Variants in FNBP1L observed in about 807,000 individuals in gnomAD.
FNBP1L encodes formin binding protein 1 like.
In FNBP1L, 36 loss-of-function variants were observed where a neutral mutation model predicts 91.2. The ratio of observed to expected loss-of-function variants is 0.39; its 90% CI spans 0.30 to 0.52. The LOEUF is 0.52. Among genes scored for constraint, FNBP1L ranks in the 20% least tolerant of loss-of-function variants. FNBP1L has a pLI of 0.66. For synonymous variants in FNBP1L, 242 were observed against 237.0 expected, an observed-to-expected ratio of 1.02 and a Z score of -0.19; for missense variants, 571 against 732.1, an observed-to-expected ratio of 0.78 and a Z score of 2.54.
chr1:93,525,411 G>C (rs1671462625), intron 5 of FNBP1L, among the ~76,000 whole-genome samples: 1 of 152,032 alleles, frequency 6.6e-6, no homozygotes, highest in Non-Finnish European at 1.5e-5. Flanking sequence ...CTGATTGAGA[G>C]TTCTTAGGTA....
chr1:93,459,963 GTGTGTGTGTGTGTGTT>G (rs1025700234), intron 1 of FNBP1L, among the ~76,000 whole-genome samples: 1 of 149,442 alleles, frequency 6.7e-6, no homozygotes, highest in African/African-American at 2.4e-5. Flanking sequence ...GTGTGTGTGT[GTGTGTGTGTGTGTGTT>G]TTTGGGATAT....
In FNBP1L at chr1:93,552,718, C is replaced by CA. The variant is rs1672452903; in HGVS notation, c.*308dup. ...TAATCAATAAAGAATGCAGAGCTGT[C>CA]AAAAAATGTGTCTTACATTAGCTGT... On this transcript the variant is annotated 3_prime_UTR_variant, in exon 17 of 17. Coordinates refer to ENST00000271234, the MANE Select transcript of FNBP1L (RefSeq NM_001164473.3). The CA allele has an allele frequency of 3.4e-6, 1 of 292,814 alleles. No individual in the cohort carries two copies. The highest frequency in any genetic ancestry group is 1.4e-4 in the South Asian group (1 of 7,026). 18.1% of individuals were successfully genotyped at this position (292,814 alleles called of 1,614,324 possible).
chr1:93,473,389 A>G (rs1669372607), intron 1 of FNBP1L, among the ~76,000 whole-genome samples: 2 of 152,106 alleles, frequency 1.3e-5, no homozygotes, highest in Non-Finnish European at 2.9e-5. Context: ...TGGTATTCCC[A>G]TTTTACAGAA....
At position 93,467,548 on chromosome 1, in the gene FNBP1L, T is replaced by C. The variant is rs758155380; in HGVS notation, c.24+19243T>C. Among the ~76,000 whole-genome samples the C allele has an allele frequency of 5.3e-5, 8 of 152,096 alleles. 1 individual carries two copies. The highest frequency in any genetic ancestry group is 8.8e-5 in the Non-Finnish European group (6 of 68,014). ...CAGTTTTGCAAGATAAAAAGAATTCTGGAGATGGTTGGTGGTGATGGTTGT... is the reference window on the plus strand; with the variant it reads ...CAGTTTTGCAAGATAAAAAGAATTCCGGAGATGGTTGGTGGTGATGGTTGT... On this transcript the variant is annotated intron_variant, in intron 1 of 16. Coordinates refer to ENST00000271234, the MANE Select transcript of FNBP1L (RefSeq NM_001164473.3).
chr1:93,478,582 G>A (rs1165904551), intron 1 of FNBP1L, among the ~76,000 whole-genome samples: 2 of 152,098 alleles, frequency 1.3e-5, no homozygotes, highest in Admixed American at 1.3e-4. Context: ...TAGAGTAGGG[G>A]GCAGCAGTGG....
intron 10 of FNBP1L, among the ~76,000 whole-genome samples, chr1:93,537,254 T>A (rs1671879278): frequency 6.6e-6 from 1 of 152,072 alleles, no homozygotes; most frequent in South Asian, 2.1e-4. Context: ...TGTTGGGACA[T>A]TTGAAAAACA....
intron 2 of FNBP1L, among the ~76,000 whole-genome samples, chr1:93,507,707 G>GGT (rs777404698): frequency 5.4e-4 from 82 of 152,100 alleles, no homozygotes; most frequent in Non-Finnish European, 1.0e-3. Context: ...GGAGTGAAGT[G>GGT]GTGCGATCTT....
chr1:93,451,892 C>T (rs575095174), intron 1 of FNBP1L, among the ~76,000 whole-genome samples: 8 of 152,242 alleles, frequency 5.3e-5, no homozygotes, highest in African/African-American at 1.4e-4. Flanking sequence ...CATTGTGATC[C>T]GCCCGCCTCG....
At chr1:93,541,094 TTAAG>T (rs1395827499) in intron 11 of FNBP1L, 38 bp downstream of exon 11, 6 of 1,523,748 alleles carry the variant, frequency 3.9e-6, no homozygotes, top group Non-Finnish European at 5.3e-6. Flanking sequence ...TGTGCCAACA[TTAAG>T]TAATCTCAAA....
intron 12 of FNBP1L, among the ~76,000 whole-genome samples, chr1:93,545,903 A>G (rs1177944622): frequency 4.6e-5 from 7 of 152,092 alleles, no homozygotes; most frequent in Non-Finnish European, 8.8e-5. Context: ...CAATAAGAAA[A>G]AAGTTTAGGG....
At chr1:93,512,079 C>T (rs1670874899) in intron 2 of FNBP1L, among the ~76,000 whole-genome samples, 1 of 151,440 alleles carries the variant, frequency 6.6e-6, no homozygotes, top group African/African-American at 2.4e-5. Context: ...GGAGGAAGAT[C>T]TACCAAGCAA....
chr1:93,484,455 G>T (rs985422463), intron 1 of FNBP1L, among the ~76,000 whole-genome samples: 3 of 152,228 alleles, frequency 2.0e-5, no homozygotes, highest in Non-Finnish European at 4.4e-5. Flanking sequence ...GCAAAGGGAT[G>T]CTTAGCCCTG....
intron 1 of FNBP1L, among the ~76,000 whole-genome samples, chr1:93,460,428 A>G (rs1273951355): frequency 6.6e-6 from 1 of 152,234 alleles, no homozygotes; most frequent in Non-Finnish European, 1.5e-5. Context: ...CCAGTCTCAG[A>G]TACTTTCTTT....
intron 1 of FNBP1L, among the ~76,000 whole-genome samples, chr1:93,476,970 T>G (rs1669519333): frequency 6.6e-6 from 1 of 152,148 alleles, no homozygotes; most frequent in Non-Finnish European, 1.5e-5. Context: ...GGCAGAGAAG[T>G]TAAATGGCTT....
At chr1:93,506,477 C>T (rs1240277258) in intron 2 of FNBP1L, among the ~76,000 whole-genome samples, 2 of 152,062 alleles carry the variant, frequency 1.3e-5, no homozygotes, top group East Asian at 1.9e-4. Flanking sequence ...CTTAACTGAG[C>T]CCACAAATTT....
chr1:93,519,029 C>A (rs886301203), intron 2 of FNBP1L, among the ~76,000 whole-genome samples: 3 of 152,154 alleles, frequency 2.0e-5, no homozygotes, highest in African/African-American at 7.2e-5. Context: ...AACCATGACT[C>A]GTCCCATTCT....
intron 1 of FNBP1L, among the ~76,000 whole-genome samples, chr1:93,487,774 C>G (rs779326699): frequency 3.9e-5 from 6 of 152,200 alleles, no homozygotes; most frequent in Non-Finnish European, 8.8e-5. Context: ...GGTCACTCCT[C>G]AGTGTCCTTT....
intron 2 of FNBP1L, among the ~76,000 whole-genome samples, chr1:93,511,772 C>T (rs1253068760): frequency 6.6e-6 from 1 of 151,734 alleles, no homozygotes; most frequent in Non-Finnish European, 1.5e-5. Flanking sequence ...CGAGACCATC[C>T]CGGCTAAAAC....
At chr1:93,521,981 A>G (rs1570841413) in intron 2 of FNBP1L, 101 bp from the exon 3 acceptor site, 2 of 590,182 alleles carry the variant, frequency 3.4e-6, no homozygotes, top group Admixed American at 3.8e-5. Context: ...ATTGTTTTAT[A>G]TCATAAAATT....
Sources: gnomAD v4.1 joint callset for allele counts (sites outside exome capture counted in the v4.1 genomes callset) on GRCh38, gnomAD v4.1.1 for gene constraint, MANE v1.5 for transcripts, NCBI Gene and HGNC (gene_info 2026-07-23, HGNC 2026-07-21) for gene names.